Variants in CCNT2 observed in about 807,000 individuals in gnomAD.
CCNT2 encodes cyclin T2.
Under a neutral mutation model 70.0 loss-of-function variants are expected in CCNT2, and 18 were observed. That is an observed-to-expected ratio of 0.26 (90% confidence interval 0.18 to 0.38). The LOEUF (loss-of-function observed/expected upper bound fraction) is 0.38, where lower values mean the gene tolerates loss of function less well. CCNT2 is among the 10% of genes least tolerant of loss of function. The probability of loss-of-function intolerance (pLI) is 1.00; values close to 1 mark genes in which losing one functional copy is unlikely to be tolerated. For missense variants in CCNT2, 734 were observed against 890.2 expected, an observed-to-expected ratio of 0.82 and a Z score of 2.23; for synonymous variants, 334 against 313.3, an observed-to-expected ratio of 1.07 and a Z score of -0.70.
intron 2 of CCNT2, among the ~76,000 whole-genome samples, chr2:134,929,071 A>G: frequency 6.6e-6 from 1 of 152,368 alleles, no homozygotes; most frequent in East Asian, 1.9e-4. Flanking sequence ...CAAATTAATA[A>G]TTTTATGAAA....
At chr2:134,922,282 T>A (rs1679971528) in intron 2 of CCNT2, among the ~76,000 whole-genome samples, 1 of 152,250 alleles carries the variant, frequency 6.6e-6, no homozygotes, top group African/African-American at 2.4e-5. Context: ...TGACAAACTA[T>A]ATCTAGTCTT....
chr2:134,946,160 C>T lies in CCNT2; in HGVS notation c.539+14C>T. Reference sequence around the variant, plus strand: ...GGCTACCAACAGGTTGTTATCCTGACCCTCTTTGTTGCACTGTTGTAGCAC... The same window carrying T: ...GGCTACCAACAGGTTGTTATCCTGATCCTCTTTGTTGCACTGTTGTAGCAC... On this transcript the variant is annotated intron_variant, in intron 6 of 8. Coordinates refer to ENST00000264157, the MANE Select transcript of CCNT2 (RefSeq NM_058241.3). 1 of 1,611,544 alleles carries T rather than the reference C, an allele frequency of 6.2e-7. No homozygotes were observed. Among genetic ancestry groups the T allele is most frequent in the Non-Finnish European group, 8.5e-7 (1 of 1,179,322 alleles).
At chr2:134,940,455 T>C (rs942709948) in intron 4 of CCNT2, among the ~76,000 whole-genome samples, 1 of 152,152 alleles carries the variant, frequency 6.6e-6, no homozygotes, top group Admixed American at 6.5e-5. Flanking sequence ...TTTTAAAAGA[T>C]AAAAATTTTA....
rs556153548 is a variant in CCNT2 at position 134,936,807 on chromosome 2, T to C, written c.241-34T>C. 4 of 1,574,478 alleles carry C rather than the reference T, an allele frequency of 2.5e-6. No homozygotes were observed. The South Asian group carries it at 4.7e-5, about 18-fold the overall frequency. On this transcript the variant is annotated intron_variant, in intron 2 of 8. Transcript: ENST00000264157. ...TAGAGGGTTTTTTGAAATGTATTTG[T>C]TCTTAAATGACCAGAGTTTTATCTT...
At chr2:134,929,589 C>G (rs1680570695) in intron 2 of CCNT2, among the ~76,000 whole-genome samples, 1 of 123,642 alleles carries the variant, frequency 8.1e-6, no homozygotes. Context: ...GCCTAGGTGA[C>G]AGAGCAAGAC....
At position 134,923,280 on chromosome 2, in the gene CCNT2, CA is replaced by C. The variant is rs1301586068; in HGVS notation, c.240+3395del. ...TGGGCAACAGAACGAGACTCTATCT[CA>C]AAAAACAATAATAATAATAATAAAA... On this transcript the variant is annotated intron_variant, in intron 2 of 8. Transcript: ENST00000264157. 2.6e-5 allele frequency among the ~76,000 whole-genome samples: 4 copies of C among 151,924 alleles called. No individual in the cohort carries two copies. In the East Asian group the frequency reaches 7.7e-4, roughly 29 times the overall value.
At chr2:134,944,146 A>G (rs1573840689) in intron 5 of CCNT2, 2 of 984,022 alleles carry the variant, frequency 2.0e-6, no homozygotes, top group Admixed American at 6.1e-5. Context: ...CTTCATGGTT[A>G]TATCAGCGTG....
At position 134,954,028 on chromosome 2, in the gene CCNT2, A is replaced by G; in HGVS notation, c.1573A>G (p.Met525Val). 6.2e-7 allele frequency: 1 copy of G among 1,614,210 alleles called. No homozygotes were observed. Among genetic ancestry groups the G allele is most frequent in the Non-Finnish European group, 8.5e-7 (1 of 1,180,028 alleles). The change falls in exon 9 of 9, where the codon ATG (methionine) becomes GTG (valine). Residue 525 changes from methionine (M) to valine (V), a missense_variant. Physicochemically the swap from Met to Val is conservative, Grantham distance 21 (BLOSUM62 1). Around this residue, in one of 3 missense-constraint regions of CCNT2, gnomAD observed 532 missense variants for 556.9 expected, o/e 0.96. Coordinates refer to ENST00000264157, the MANE Select transcript of CCNT2 (RefSeq NM_058241.3). Reference sequence around the variant, plus strand: ...AAGCGCCAGTAAAGAAGAACTGAAAATGAAAATAAAAGTTTCTTCTTCAGA... The same window carrying G: ...AAGCGCCAGTAAAGAAGAACTGAAAGTGAAAATAAAAGTTTCTTCTTCAGA... ...DKSASKEELK[M>V]KIKVSSSERH...
chr2:134,936,759 A>C, intron 2 of CCNT2, 82 bp from the exon 3 acceptor site: 1 of 1,358,348 alleles, frequency 7.4e-7, no homozygotes, highest in East Asian at 2.5e-5. Flanking sequence ...CACCTCAAAA[A>C]AAAAACAGAA....
chr2:134,920,786 G>A (rs527279311), intron 2 of CCNT2, among the ~76,000 whole-genome samples: 1 of 152,134 alleles, frequency 6.6e-6, no homozygotes, highest in Non-Finnish European at 1.5e-5. Context: ...GCTATTTGTG[G>A]ATAGTCATTA....
intron 3 of CCNT2, among the ~76,000 whole-genome samples, chr2:134,937,421 A>C (rs1681239343): frequency 6.6e-6 from 1 of 152,204 alleles, no homozygotes; most frequent in Non-Finnish European, 1.5e-5. Flanking sequence ...ACTACTGCTT[A>C]TCTCTCTGAT....
At position 134,954,093 on chromosome 2, in the gene CCNT2, A is replaced by G; in HGVS notation, c.1638A>G (p.Lys546=). 6.2e-7 allele frequency: 1 copy of G among 1,614,120 alleles called. No homozygotes were observed. The highest frequency in any genetic ancestry group is 1.3e-5 in the African/African-American group (1 of 75,016). The change falls in exon 9 of 9, where the codon AAA becomes AAG. Residue 546 remains lysine, a synonymous_variant. Coordinates refer to ENST00000264157, the MANE Select transcript of CCNT2 (RefSeq NM_058241.3). ...SSSDEGSGKS[K]HSSPHISRDH... is the part of the protein sequence containing the mutation. ...CTGATGAAGGCAGTGGGAAGAGCAA[A>G]CATTCAAGCCCACATATTAGCAGAG...
chr2:134,925,562 T>C (rs1680231737), intron 2 of CCNT2, among the ~76,000 whole-genome samples: 2 of 152,226 alleles, frequency 1.3e-5, no homozygotes, highest in Non-Finnish European at 2.9e-5. Flanking sequence ...TACCGTGTTT[T>C]CAAGGCTCAT....
At chr2:134,949,601 C>A (rs1020293605) in intron 7 of CCNT2, among the ~76,000 whole-genome samples, 1 of 152,112 alleles carries the variant, frequency 6.6e-6, no homozygotes, top group Non-Finnish European at 1.5e-5. Context: ...ATTATTGCTG[C>A]ATGATTATAA....
At position 134,954,474 on chromosome 2, in the gene CCNT2, A is replaced by G. The variant is rs1387597339; in HGVS notation, c.2019A>G (p.Thr673=). 4 of 1,614,120 alleles carry G rather than the reference A, an allele frequency of 2.5e-6. No homozygotes were observed. Among genetic ancestry groups the G allele is most frequent in the South Asian group, 2.2e-5 (2 of 91,072 alleles). ...CCTTACCCCCTCCTCCCCCTGTCACATACCAGGTGGGCTACGGACATCTCA... is the reference window on the plus strand; with the variant it reads ...CCTTACCCCCTCCTCCCCCTGTCACGTACCAGGTGGGCTACGGACATCTCA... ...NHPLPPPPPV[T]YQVGYGHLST... Residue 673 remains threonine (T), a synonymous_variant, in exon 9 of 9, where the codon ACA becomes ACG. Transcript: ENST00000264157.
intron 2 of CCNT2, among the ~76,000 whole-genome samples, chr2:134,920,670 TAA>T (rs1456689202): frequency 2.0e-5 from 3 of 152,352 alleles, no homozygotes; most frequent in African/African-American, 7.2e-5. Flanking sequence ...TAGAAATGTT[TAA>T]CTCTGCTTTA....
intron 2 of CCNT2, among the ~76,000 whole-genome samples, chr2:134,924,819 C>T (rs1405911973): frequency 6.6e-6 from 1 of 152,146 alleles, no homozygotes; most frequent in African/African-American, 2.4e-5. Context: ...ATACCATAGA[C>T]CTTGCTCATT....
At chr2:134,919,153 G>A in intron 1 of CCNT2, 141 bp downstream of exon 1, 1 of 977,378 alleles carries the variant, frequency 1.0e-6, no homozygotes, top group African/African-American at 1.6e-5. Context: ...GTTCCGGCTC[G>A]GGCAGTCGCG....
intron 1 of CCNT2, among the ~76,000 whole-genome samples, chr2:134,919,366 G>A (rs1480586420): frequency 6.6e-6 from 1 of 152,212 alleles, no homozygotes; most frequent in African/African-American, 2.4e-5. Context: ...GGTTTGAGAG[G>A]TAGGAGGGTT....
Sources: allele counts gnomAD v4.1 joint callset (sites outside exome capture counted in the v4.1 genomes callset), GRCh38; gene constraint gnomAD v4.1.1; regional missense constraint gnomAD v4.1.1; transcripts MANE v1.5; gene names NCBI Gene and HGNC (gene_info 2026-07-23, HGNC 2026-07-21).